KCNQ1: variants seen among roughly 807,000 people sequenced by gnomAD.
KCNQ1 encodes the protein potassium voltage-gated channel subfamily KQT member 1.
KCNQ1 carries 49 observed loss-of-function variants against 72.4 expected under a neutral mutation model. The observed-to-expected ratio is 0.68, with a 90% CI of 0.54 to 0.86. The LOEUF (loss-of-function observed/expected upper bound fraction) is 0.86, where lower values mean the gene tolerates loss of function less well. Among genes scored for constraint, KCNQ1 ranks in the 40% least tolerant of loss-of-function variants. The pLI is 0.00. For synonymous variants in KCNQ1, 450 were observed against 412.6 expected (o/e 1.09, Z -1.10); for missense variants, 790 against 945.1 (o/e 0.84, Z 2.15).
At chr11:2,796,511 A>G (rs1847135097) in intron 15 of KCNQ1, among the ~76,000 whole-genome samples, 1 of 152,012 alleles carries the variant, frequency 6.6e-6, no homozygotes, top group Non-Finnish European at 1.5e-5. Context: ...CAGGCCTATC[A>G]TGGGGCCTGA....
rs1290043908 is a variant in KCNQ1 at position 2,836,017 on chromosome 11, G to A, written c.1795-11750G>A. Among the ~76,000 whole-genome samples the A allele has an allele frequency of 7.2e-5, 11 of 152,214 alleles. No homozygotes were observed. In the South Asian group the frequency reaches 1.5e-3, roughly 20 times the overall value. Reference sequence around the variant, plus strand: ...TCATAGGAGGCGGGGCAAAGGCCACGGGGAAAGGGACAGAGCTGCTCCCAA... The same window carrying A: ...TCATAGGAGGCGGGGCAAAGGCCACAGGGAAAGGGACAGAGCTGCTCCCAA... On this transcript the variant is annotated intron_variant, in intron 15 of 15. Coordinates refer to ENST00000155840, the MANE Select transcript of KCNQ1 (RefSeq NM_000218.3).
chr11:2,465,154 T>A (rs981412575), intron 1 of KCNQ1, among the ~76,000 whole-genome samples: 1 of 151,992 alleles, frequency 6.6e-6, no homozygotes, highest in Non-Finnish European at 1.5e-5. Context: ...TTCCCAGAAG[T>A]TTTTTTATTT....
In KCNQ1 at chr11:2,471,901, T is replaced by C. The variant is rs910202293; in HGVS notation, c.386+26417T>C. 2.6e-5 allele frequency among the ~76,000 whole-genome samples: 4 copies of C among 151,806 alleles called. No homozygotes were observed. Among genetic ancestry groups the C allele is most frequent in the African/African-American group, 9.7e-5 (4 of 41,378 alleles). On this transcript the variant is annotated intron_variant, in intron 1 of 15. Coordinates refer to ENST00000155840, the MANE Select transcript of KCNQ1 (RefSeq NM_000218.3). The surrounding 1 kb of genome is among the most constrained non-coding windows in gnomAD (Gnocchi z 4.8). The stretch of plus-strand genomic sequence containing the variant: ...GTGTGCACATGTGTATAGGTGTGTG[T>C]ATGCGTGCACCTATGTGTGTATAGG...
rs1412109090 is a variant in KCNQ1 at position 2,599,401 on chromosome 11, A to T, written c.1393+10547A>T. Among the ~76,000 whole-genome samples, 1 of 152,216 alleles carries T rather than the reference A, an allele frequency of 6.6e-6. No homozygotes were observed. The highest frequency in any genetic ancestry group is 2.4e-5 in the African/African-American group (1 of 41,472). ...CTATTTCAATTCTATTCTAAAATTT[A>T]TAATCTCTGCTTAATTTCCTTTGGT... On this transcript the variant is annotated intron_variant, in intron 10 of 15. Transcript: ENST00000155840. This position sits in a 1 kb window ranked among gnomAD's most constrained non-coding sequence, Gnocchi z 4.7.
chr11:2,456,852 T>C (rs1055056318), intron 1 of KCNQ1, among the ~76,000 whole-genome samples: 4 of 134,202 alleles, frequency 3.0e-5, no homozygotes, highest in African/African-American at 1.1e-4. Flanking sequence ...GGCAGGAGAA[T>C]GGCGTGAACC....
At chr11:2,665,228 T>TG (rs1850044668) in intron 11 of KCNQ1, 1 of 398,466 alleles carries the variant, frequency 2.5e-6, no homozygotes, top group Non-Finnish European at 4.4e-6. Flanking sequence ...CTAGGTTGAA[T>TG]GGGGCACAAG....
intron 15 of KCNQ1, among the ~76,000 whole-genome samples, chr11:2,805,405 C>T (rs1031204777): frequency 2.0e-5 from 3 of 152,206 alleles, no homozygotes; most frequent in African/African-American, 7.2e-5. Flanking sequence ...GAAAAGCACT[C>T]GCCCCGCAGT....
intron 7 of KCNQ1, among the ~76,000 whole-genome samples, chr11:2,584,096 GTGTA>G (rs1357819841): frequency 6.6e-6 from 1 of 152,184 alleles, no homozygotes; most frequent in African/African-American, 2.4e-5. Context: ...TCACATGGGT[GTGTA>G]TGTACTGTAT....
chr11:2,697,477 A>T, intron 11 of KCNQ1: 1 of 398,606 alleles, frequency 2.5e-6, no homozygotes, highest in Non-Finnish European at 4.4e-6. Context: ...TATCAAGTTT[A>T]CTGAAAAGTT....
In KCNQ1 at chr11:2,725,356, A is replaced by G. The variant is rs186463096; in HGVS notation, c.1515-43488A>G. On this transcript the variant is annotated intron_variant, in intron 11 of 15. Coordinates refer to ENST00000155840, the MANE Select transcript of KCNQ1 (RefSeq NM_000218.3). The surrounding 1 kb of genome is among the most constrained non-coding windows in gnomAD (Gnocchi z 7.2). ...TTTTGAGTTCGTGAGTGGCTGGTGG[A>G]TACTTAGTGGTTTGGCTTTCGGGTT... Among the ~76,000 whole-genome samples, 2 of 152,130 alleles carry G rather than the reference A, an allele frequency of 1.3e-5. No homozygotes were observed. Among genetic ancestry groups the G allele is most frequent in the Non-Finnish European group, 2.9e-5 (2 of 68,030 alleles).
At position 2,677,783 on chromosome 11, in the gene KCNQ1, C is replaced by G; in HGVS notation, c.1514+15702C>G. The stretch of plus-strand genomic sequence containing the variant: ...CTTTAAGAGATCCTCCCTTTCCCCC[C>G]ATTTCCAGCAGGATTAAAATGTTCA... On this transcript the variant is annotated intron_variant, in intron 11 of 15. Transcript: ENST00000155840. The surrounding 1 kb of genome is among the most constrained non-coding windows in gnomAD (Gnocchi z 4.5). 2.5e-6 allele frequency: 1 copy of G among 398,542 alleles called. No individual in the cohort carries two copies. Among genetic ancestry groups the G allele is most frequent in the Non-Finnish European group, 4.4e-6 (1 of 226,020 alleles). 24.7% of individuals were successfully genotyped at this position (398,542 alleles called of 1,614,324 possible).
intron 2 of KCNQ1, among the ~76,000 whole-genome samples, chr11:2,561,935 TG>T (rs1359277624): frequency 6.6e-6 from 1 of 151,890 alleles, no homozygotes; most frequent in Non-Finnish European, 1.5e-5. Flanking sequence ...CCATGGGGCC[TG>T]GGGAAGCAGC....
chr11:2,532,954 C>A (rs554776877), intron 2 of KCNQ1, among the ~76,000 whole-genome samples: 1 of 152,174 alleles, frequency 6.6e-6, no homozygotes, highest in Non-Finnish European at 1.5e-5. Context: ...GGCCTGTAGA[C>A]GCCAGAGGGC....
At chr11:2,705,336 C>T (rs964685517) in intron 11 of KCNQ1, among the ~76,000 whole-genome samples, 1 of 152,102 alleles carries the variant, frequency 6.6e-6, no homozygotes, top group Non-Finnish European at 1.5e-5. Flanking sequence ...GGCAGCTGTG[C>T]TGTGTGTGTA....
chr11:2,490,324 T>A (rs764374688), intron 1 of KCNQ1, among the ~76,000 whole-genome samples: 59 of 152,244 alleles, frequency 3.9e-4, no homozygotes, highest in Non-Finnish European at 7.2e-4. Flanking sequence ...ATGGCATCTC[T>A]GGACCCACCT....
At chr11:2,739,269 A>G (rs1846009139) in intron 11 of KCNQ1, among the ~76,000 whole-genome samples, 1 of 152,166 alleles carries the variant, frequency 6.6e-6, no homozygotes, top group Non-Finnish European at 1.5e-5. Context: ...CCCCTGTGTG[A>G]GGTACTGAGA....
chr11:2,464,288 A>C lies in KCNQ1; in HGVS notation c.386+18804A>C, dbSNP rs1846320909. Among the ~76,000 whole-genome samples the C allele has an allele frequency of 6.6e-6, 1 of 152,180 alleles. No individual in the cohort carries two copies. Among genetic ancestry groups the C allele is most frequent in the Non-Finnish European group, 1.5e-5 (1 of 68,028 alleles). On this transcript the variant is annotated intron_variant, in intron 1 of 15. Coordinates refer to ENST00000155840, the MANE Select transcript of KCNQ1 (RefSeq NM_000218.3). The surrounding 1 kb of genome is among the most constrained non-coding windows in gnomAD (Gnocchi z 5.0). The stretch of plus-strand genomic sequence containing the variant: ...CCCCTGGGTGTGGGCTGTGGGTTTT[A>C]ATCTTTTCATTTTTGCTCATCTGAA...
chr11:2,697,872 T>TA (rs1488924878), intron 11 of KCNQ1: 4 of 398,556 alleles, frequency 1.0e-5, no homozygotes, highest in African/African-American at 6.2e-5. Flanking sequence ...TTCGCAATTT[T>TA]AAAAAATCCC....
At chr11:2,693,934 T>A (rs1244903177) in intron 11 of KCNQ1, 2 of 398,632 alleles carry the variant, frequency 5.0e-6, no homozygotes, top group African/African-American at 4.1e-5. Context: ...CGGTATCCGC[T>A]GAGAACCACT....
Sources: gnomAD v4.1 joint callset for allele counts (sites outside exome capture counted in the v4.1 genomes callset) on GRCh38, gnomAD v4.1.1 for gene constraint, Gnocchi (gnomAD v3.1) non-coding constraint, MANE v1.5 for transcripts, NCBI Gene and HGNC (gene_info 2026-07-23, HGNC 2026-07-21) for gene names.